Variants in STX8 observed in about 807,000 individuals in gnomAD.
STX8 encodes syntaxin 8, also known as syntaxin-8.
Under a neutral mutation model 37.5 loss-of-function variants are expected in STX8, and 23 were observed. That is an observed-to-expected ratio of 0.61 (90% CI 0.44 to 0.87). The LOEUF (loss-of-function observed/expected upper bound fraction) is 0.87. Ranked by LOEUF, STX8 falls within the 40% of genes least tolerant of loss-of-function variation. The probability of loss-of-function intolerance (pLI) is 0.00; values close to 1 mark genes in which losing one functional copy is unlikely to be tolerated. For synonymous variants in STX8, 115 were observed against 99.1 expected, an observed-to-expected ratio of 1.16 and a Z score of -0.95; for missense variants, 313 against 284.7, an observed-to-expected ratio of 1.10 and a Z score of -0.71.
intron 7 of STX8, among the ~76,000 whole-genome samples, chr17:9,373,361 C>T (rs979051874): frequency 6.6e-6 from 1 of 151,806 alleles, no homozygotes; most frequent in Non-Finnish European, 1.5e-5. Context: ...GGTGGAACAA[C>T]CTGTGTCCAC....
At chr17:9,269,866 T>C (rs958264956) in intron 7 of STX8, among the ~76,000 whole-genome samples, 3 of 152,238 alleles carry the variant, frequency 2.0e-5, no homozygotes, top group Non-Finnish European at 4.4e-5. Flanking sequence ...GCACTAGCTT[T>C]AGGCCTCAGC....
intron 7 of STX8, among the ~76,000 whole-genome samples, chr17:9,328,551 C>T (rs1909852833): frequency 6.6e-6 from 1 of 152,134 alleles, no homozygotes; most frequent in Admixed American, 6.5e-5. Context: ...CTGAAAACCA[C>T]AGTGTGTGCT....
At chr17:9,404,281 A>G (rs1302271199) in intron 6 of STX8, among the ~76,000 whole-genome samples, 1 of 152,008 alleles carries the variant, frequency 6.6e-6, no homozygotes, top group Non-Finnish European at 1.5e-5. Flanking sequence ...AAGGGGAGGC[A>G]GGAAAGGGAG....
intron 6 of STX8, among the ~76,000 whole-genome samples, chr17:9,401,943 G>A (rs1483706990): frequency 2.0e-5 from 3 of 151,898 alleles, no homozygotes; most frequent in African/African-American, 4.8e-5. Flanking sequence ...TTTTAGGTGC[G>A]TTTCACCCTT....
At chr17:9,530,153 CA>C (rs1216267247) in intron 4 of STX8, among the ~76,000 whole-genome samples, 4 of 151,404 alleles carry the variant, frequency 2.6e-5, no homozygotes, top group African/African-American at 9.7e-5. Flanking sequence ...TAAAAAAATA[CA>C]AAAAAAATTA....
At chr17:9,465,840 C>T (rs943780561) in intron 6 of STX8, among the ~76,000 whole-genome samples, 1 of 152,164 alleles carries the variant, frequency 6.6e-6, no homozygotes, top group Non-Finnish European at 1.5e-5. Flanking sequence ...GGTACAATCA[C>T]CTCTGGTCTA....
chr17:9,567,954 G>T (rs1045392523), intron 2 of STX8, among the ~76,000 whole-genome samples: 1 of 152,098 alleles, frequency 6.6e-6, no homozygotes, highest in African/African-American at 2.4e-5. Flanking sequence ...CCAAAGTGCT[G>T]GGATTACAGG....
intron 7 of STX8, among the ~76,000 whole-genome samples, chr17:9,317,119 C>T (rs1235613197): frequency 1.3e-5 from 2 of 152,036 alleles, no homozygotes; most frequent in African/African-American, 4.8e-5. Context: ...TGATCTAACA[C>T]AAGAGAGGAC....
At chr17:9,485,149 G>T (rs1291269512) in intron 6 of STX8, among the ~76,000 whole-genome samples, 1 of 144,910 alleles carries the variant, frequency 6.9e-6, no homozygotes, top group Non-Finnish European at 1.5e-5. Context: ...AATAAGATCT[G>T]TGTTCTGAAG....
intron 3 of STX8, among the ~76,000 whole-genome samples, chr17:9,545,709 T>C (rs1217046210): frequency 6.6e-6 from 1 of 152,152 alleles, no homozygotes; most frequent in African/African-American, 2.4e-5. Context: ...GCCTCCCGAG[T>C]AGCTGGGCTT....
intron 6 of STX8, among the ~76,000 whole-genome samples, chr17:9,421,681 CT>C (rs1913435307): frequency 6.6e-6 from 1 of 152,220 alleles, no homozygotes; most frequent in African/African-American, 2.4e-5. Flanking sequence ...ATCACCACCC[CT>C]ATCTAGTTTC....
At chr17:9,530,310 CAAAA>C (rs10549885) in intron 4 of STX8, among the ~76,000 whole-genome samples, 8 of 119,894 alleles carry the variant, frequency 6.7e-5, no homozygotes, top group Admixed American at 8.5e-5. Flanking sequence ...GACTCCGTCT[CAAAA>C]AAAAAAAAAA....
At chr17:9,367,843 GCCTCAGCCTC>G in intron 7 of STX8, among the ~76,000 whole-genome samples, 1 of 152,238 alleles carries the variant, frequency 6.6e-6, no homozygotes, top group East Asian at 1.9e-4. Context: ...CAATTCTCCT[GCCTCAGCCTC>G]CCTAATAGCT....
intron 4 of STX8, among the ~76,000 whole-genome samples, chr17:9,517,391 A>G (rs919522513): frequency 6.6e-6 from 1 of 152,228 alleles, no homozygotes; most frequent in African/African-American, 2.4e-5. Context: ...AATGAAATCA[A>G]TAAGGAGAGT....
intron 6 of STX8, among the ~76,000 whole-genome samples, chr17:9,418,977 G>A (rs545941787): frequency 6.9e-6 from 1 of 145,230 alleles, no homozygotes; most frequent in African/African-American, 2.5e-5. Flanking sequence ...AGGCTGGAGT[G>A]CAGTGGCACC....
chr17:9,361,075 G>A (rs755216229), intron 7 of STX8, among the ~76,000 whole-genome samples: 10 of 152,208 alleles, frequency 6.6e-5, no homozygotes, highest in South Asian at 2.1e-4. Context: ...GGAATTTAAC[G>A]CTGGTTCAAT....
intron 4 of STX8, among the ~76,000 whole-genome samples, chr17:9,518,951 C>G (rs1263984956): frequency 6.6e-6 from 1 of 151,974 alleles, no homozygotes; most frequent in Non-Finnish European, 1.5e-5. Context: ...CAGACACATT[C>G]CCTTGAGTCA....
chr17:9,532,812 A>G (rs1905869728), intron 4 of STX8, among the ~76,000 whole-genome samples: 3 of 152,134 alleles, frequency 2.0e-5, no homozygotes, highest in South Asian at 4.1e-4. Context: ...GTCACTGTAC[A>G]CATTATATGG....
intron 6 of STX8, chr17:9,461,087 A>G (rs1208280577): frequency 1.3e-5 from 2 of 151,808 alleles, no homozygotes; most frequent in East Asian, 3.9e-4. Flanking sequence ...CCTCTGTGAC[A>G]GCACTGAGCT....
Sources: gnomAD v4.1 joint callset for allele counts (sites outside exome capture counted in the v4.1 genomes callset) on GRCh38, gnomAD v4.1.1 for gene constraint, MANE v1.5 for transcripts, NCBI Gene and HGNC (gene_info 2026-07-23, HGNC 2026-07-21) for gene names.